NEMP2: variants seen among roughly 807,000 people sequenced by gnomAD.
NEMP2 encodes the protein UPF0571 transmembrane protein.
NEMP2 carries 53 observed loss-of-function variants against 54.2 expected under a neutral mutation model. The observed-to-expected ratio is 0.98, with a 90% CI of 0.78 to 1.23. NEMP2 has a LOEUF of 1.23. Among genes scored for constraint, NEMP2 ranks in the 50% most tolerant of loss-of-function variants. The pLI, the probability that NEMP2 is intolerant of heterozygous loss-of-function variation, is 0.00. For synonymous variants in NEMP2, 197 were observed against 190.3 expected, an observed-to-expected ratio of 1.04 and a Z score of -0.29; for missense variants, 455 against 511.3, an observed-to-expected ratio of 0.89 and a Z score of 1.06.
chr2:190,555,547 T>A, the NEMP2 span, among the ~76,000 whole-genome samples: 4 of 151,400 alleles, frequency 2.6e-5, 1 homozygote, highest in South Asian at 8.4e-4. The surrounding 1 kb of genome is among the most constrained non-coding windows in gnomAD (Gnocchi z 4.8). Context: ...ATAGCCAAAT[T>A]GATCAAGCAG....
the NEMP2 span, among the ~76,000 whole-genome samples, chr2:190,487,978 C>T: frequency 6.6e-6 from 1 of 152,168 alleles, no homozygotes; most frequent in Non-Finnish European, 1.5e-5. The surrounding 1 kb of genome is among the most constrained non-coding windows in gnomAD (Gnocchi z 5.5). Flanking sequence ...TCTTGGCTCA[C>T]TGCAACCTCT....
Position 190,514,379 on chromosome 2 carries a change from T to C in NEMP2, c.953+74A>G, listed in dbSNP as rs1690474832. On this transcript the variant is annotated intron_variant, in intron 7 of 8. Transcript: ENST00000409150. The surrounding 1 kb of genome is among the most constrained non-coding windows in gnomAD (Gnocchi z 5.7). The stretch of plus-strand genomic sequence containing the variant: ...GTAATTATGAGATTAACATGATGTG[T>C]GCAAACACTCTCCCAAATAATAAAA... The C allele has an allele frequency of 2.3e-6, 3 of 1,306,712 alleles. No individual in the cohort carries two copies. The highest frequency in any genetic ancestry group is 1.5e-5 in the African/African-American group (1 of 68,432). 80.9% of individuals were successfully genotyped at this position (1,306,712 alleles called of 1,614,324 possible). A position where few individuals can be genotyped will look rare whatever the true frequency, so the allele number is the denominator to read the frequency against.
the NEMP2 span, among the ~76,000 whole-genome samples, chr2:190,493,388 C>A: frequency 6.6e-6 from 1 of 152,118 alleles, no homozygotes; most frequent in Non-Finnish European, 1.5e-5. Flanking sequence ...ATAAAACAAT[C>A]ACTACCAGAC....
chr2:190,638,069 C>A, the NEMP2 span, among the ~76,000 whole-genome samples: 1 of 152,138 alleles, frequency 6.6e-6, no homozygotes, highest in African/African-American at 2.4e-5. The surrounding 1 kb of genome is among the most constrained non-coding windows in gnomAD (Gnocchi z 5.7). Context: ...GGAGCGGGAG[C>A]AGGGGAGCTA....
chr2:190,643,585 G>A, the NEMP2 span, among the ~76,000 whole-genome samples: 2 of 152,148 alleles, frequency 1.3e-5, no homozygotes, highest in African/African-American at 4.8e-5. Flanking sequence ...ACTTTATAGC[G>A]CTGTTGCGAG....
At chr2:190,576,847 T>C in the NEMP2 span, among the ~76,000 whole-genome samples, 1 of 152,196 alleles carries the variant, frequency 6.6e-6, no homozygotes, top group South Asian at 2.1e-4. Flanking sequence ...ACAGTGTTAA[T>C]ATAGGGAGTA....
chr2:190,502,162 G>T (rs775697044), downstream of NEMP2: 2 of 152,218 alleles, frequency 1.3e-5, no homozygotes, highest in Non-Finnish European at 2.9e-5. This position sits in a 1 kb window ranked among gnomAD's most constrained non-coding sequence, Gnocchi z 4.4. Context: ...CTTTGTTATG[G>T]AACATTTACT....
chr2:190,517,635 A>C, intron 4 of NEMP2, 22 bp from the exon 5 acceptor site: 1 of 1,526,594 alleles, frequency 6.6e-7, no homozygotes. Context: ...AGCAGATAAA[A>C]GCTATTTAAA....
At chr2:190,518,705 C>T in intron 4 of NEMP2, 31 bp downstream of exon 4, 2 of 1,469,086 alleles carry the variant, frequency 1.4e-6, no homozygotes, top group Non-Finnish European at 1.8e-6. Flanking sequence ...TTTTCATTCA[C>T]AAAGTTAAAA....
At position 190,519,678 on chromosome 2, in the gene NEMP2, C is replaced by A. The variant is rs1690688204; in HGVS notation, c.214-495G>T. ...GTATTTAGTCCAAACACACGCTGAA[C>A]CACAGACATTATTGAAAGTGAATGC... On this transcript the variant is annotated intron_variant, in intron 2 of 8. Coordinates refer to ENST00000409150, the MANE Select transcript of NEMP2 (RefSeq NM_001142645.2). The surrounding 1 kb of genome is among the most constrained non-coding windows in gnomAD (Gnocchi z 5.4). Among the ~76,000 whole-genome samples, 1 of 152,196 alleles carries A rather than the reference C, an allele frequency of 6.6e-6. No individual in the cohort carries two copies. The highest frequency in any genetic ancestry group is 2.1e-4 in the South Asian group (1 of 4,830).
the NEMP2 span, among the ~76,000 whole-genome samples, chr2:190,466,111 C>T: frequency 0.72 from 108,782 of 152,102 alleles, 39,587 homozygotes; most frequent in East Asian, 0.85. Context: ...CTTGTGCCTG[C>T]TTGTGTCCTA....
chr2:190,489,926 A>T, the NEMP2 span: 22 of 1,357,928 alleles, frequency 1.6e-5, no homozygotes, highest in Non-Finnish European at 2.2e-5. This position sits in a 1 kb window ranked among gnomAD's most constrained non-coding sequence, Gnocchi z 6.6. Flanking sequence ...AAGTCAACAA[A>T]TGCCCCGAGA....
chr2:190,537,479 T>G (rs1040105955), upstream of NEMP2, among the ~76,000 whole-genome samples: 9 of 152,218 alleles, frequency 5.9e-5, no homozygotes, highest in Non-Finnish European at 8.8e-5. Flanking sequence ...TCTCTCCTGC[T>G]GCCTTGTGAA....
At chr2:190,489,676 C>A in the NEMP2 span, 1 of 1,216,556 alleles carries the variant, frequency 8.2e-7, no homozygotes. This position sits in a 1 kb window ranked among gnomAD's most constrained non-coding sequence, Gnocchi z 6.6. Context: ...GCTGTGCTTC[C>A]TTTGCTTTGA....
the NEMP2 span, among the ~76,000 whole-genome samples, chr2:190,426,227 G>T: frequency 6.6e-6 from 1 of 152,026 alleles, no homozygotes; most frequent in African/African-American, 2.4e-5. The surrounding 1 kb of genome is among the most constrained non-coding windows in gnomAD (Gnocchi z 4.7). Context: ...GGTCCTTAAG[G>T]CTCTTTCACT....
At chr2:190,576,370 T>C in the NEMP2 span, among the ~76,000 whole-genome samples, 1 of 152,208 alleles carries the variant, frequency 6.6e-6, no homozygotes, top group Non-Finnish European at 1.5e-5. Context: ...CTGAACCGTA[T>C]GGTTGGAAAC....
chr2:190,424,424 C>T, the NEMP2 span, among the ~76,000 whole-genome samples: 2 of 152,066 alleles, frequency 1.3e-5, no homozygotes, highest in South Asian at 4.2e-4. This position sits in a 1 kb window ranked among gnomAD's most constrained non-coding sequence, Gnocchi z 5.9. Flanking sequence ...CAACCTCCGC[C>T]TCCCAGGTTC....
chr2:190,442,422 C>T, the NEMP2 span, among the ~76,000 whole-genome samples: 1 of 151,948 alleles, frequency 6.6e-6, no homozygotes, highest in Non-Finnish European at 1.5e-5. Context: ...CAGTAGGTAG[C>T]CATAGCAAGG....
In NEMP2 at chr2:190,523,538, G is replaced by A. The variant is rs980753557; in HGVS notation, c.213+1725C>T. On this transcript the variant is annotated intron_variant, in intron 2 of 8. Coordinates refer to ENST00000409150, the MANE Select transcript of NEMP2 (RefSeq NM_001142645.2). This position sits in a 1 kb window ranked among gnomAD's most constrained non-coding sequence, Gnocchi z 5.3. ...TAGATGTATGTGCAGGCCTATGCGT[G>A]TGTATGTGTTTGTACACACATGATG... Among the ~76,000 whole-genome samples, 1 of 152,294 alleles carries A rather than the reference G, an allele frequency of 6.6e-6. No individual in the cohort carries two copies. Among genetic ancestry groups the A allele is most frequent in the African/African-American group, 2.4e-5 (1 of 41,566 alleles).
Sources: gnomAD v4.1 joint callset for allele counts (sites outside exome capture counted in the v4.1 genomes callset) on GRCh38, gnomAD v4.1.1 for gene constraint, Gnocchi (gnomAD v3.1) non-coding constraint, MANE v1.5 for transcripts, NCBI Gene and HGNC (gene_info 2026-07-23, HGNC 2026-07-21) for gene names.